Variants in TECPR2 observed in about 807,000 individuals in gnomAD.
TECPR2 encodes tectonin beta-propeller repeat-containing protein 2.
A neutral mutation model predicts 138.1 loss-of-function variants in TECPR2; 65 were observed. The observed-to-expected ratio is 0.47, with a 90% CI of 0.39 to 0.58. TECPR2 has a LOEUF of 0.58. Ranked by LOEUF, TECPR2 falls within the 20% of genes least tolerant of loss-of-function variation. The pLI, the probability that TECPR2 is intolerant of heterozygous loss-of-function variation, is 0.00. For missense variants in TECPR2, 1,553 were observed against 1,824.5 expected, an observed-to-expected ratio of 0.85 and a Z score of 2.71; for synonymous variants, 746 against 749.8, an observed-to-expected ratio of 0.99 and a Z score of 0.08.
Position 102,419,413 on chromosome 14 carries a change from T to C in TECPR2, c.638+4620T>C, listed in dbSNP as rs1889117582. ...CCCAGGGGGGAACCATGTGGCCTGGTGGGAGTTTTGGGAGAGGGGCCGTGT... is the reference window on the plus strand; with the variant it reads ...CCCAGGGGGGAACCATGTGGCCTGGCGGGAGTTTTGGGAGAGGGGCCGTGT... On this transcript the variant is annotated intron_variant, in intron 5 of 19. Coordinates refer to ENST00000359520, the MANE Select transcript of TECPR2 (RefSeq NM_014844.5). The surrounding 1 kb of genome is among the most constrained non-coding windows in gnomAD (Gnocchi z 4.8). 6.6e-6 allele frequency among the ~76,000 whole-genome samples: 1 copy of C among 151,798 alleles called. No individual in the cohort carries two copies. The highest frequency in any genetic ancestry group is 2.4e-5 in the African/African-American group (1 of 41,282).
chr14:102,426,939 T>C (rs1248343084), intron 6 of TECPR2, among the ~76,000 whole-genome samples: 1 of 152,216 alleles, frequency 6.6e-6, no homozygotes, highest in Non-Finnish European at 1.5e-5. Context: ...TGAAGTTTTA[T>C]GAATTATTAT....
chr14:102,408,738 A>G, intron 4 of TECPR2, 119 bp downstream of exon 4: 2 of 1,112,634 alleles, frequency 1.8e-6, no homozygotes, highest in Non-Finnish European at 2.5e-6. Flanking sequence ...TATAATCTCA[A>G]TTGTTATTTG....
intron 2 of TECPR2, among the ~76,000 whole-genome samples, chr14:102,387,103 TA>T (rs1325334710): frequency 2.0e-4 from 31 of 152,132 alleles, no homozygotes; most frequent in Admixed American, 2.0e-3. Context: ...GGAAGATAAA[TA>T]AAAAAGTTTA....
intron 17 of TECPR2, among the ~76,000 whole-genome samples, chr14:102,485,495 C>CT (rs1468315448): frequency 1.3e-5 from 2 of 152,290 alleles, no homozygotes; most frequent in Middle Eastern, 6.8e-3. Flanking sequence ...ATATTGAACT[C>CT]TAAGTCTTTT....
chr14:102,496,059 A>G (rs756785358), intron 17 of TECPR2, among the ~76,000 whole-genome samples: 1 of 152,244 alleles, frequency 6.6e-6, no homozygotes, highest in Non-Finnish European at 1.5e-5. Context: ...CAAAGCAAGG[A>G]GCAGGAGATG....
intron 1 of TECPR2, among the ~76,000 whole-genome samples, chr14:102,369,614 C>CAA (rs1285946113): frequency 6.6e-6 from 1 of 151,904 alleles, no homozygotes; most frequent in African/African-American, 2.4e-5. Flanking sequence ...TTTGTAGAGA[C>CAA]AGAGTTTTGT....
At chr14:102,422,203 C>T (rs999376000) in intron 5 of TECPR2, among the ~76,000 whole-genome samples, 1 of 152,136 alleles carries the variant, frequency 6.6e-6, no homozygotes, top group African/African-American at 2.4e-5. Context: ...AGCACAATTG[C>T]TCAAAATAGC....
At chr14:102,450,300 G>C (rs945521962) in intron 14 of TECPR2, among the ~76,000 whole-genome samples, 2 of 152,254 alleles carry the variant, frequency 1.3e-5, no homozygotes, top group East Asian at 3.9e-4. Context: ...GTTTGTTTCT[G>C]TGAGTGAACC....
chr14:102,447,090 T>C (rs1890002539), intron 13 of TECPR2, among the ~76,000 whole-genome samples: 1 of 152,244 alleles, frequency 6.6e-6, no homozygotes. Flanking sequence ...GATGAGGGTA[T>C]AATCAAGCTC....
chr14:102,363,055 GAGTCCATCCCGC>G lies in TECPR2; in HGVS notation c.-133_-122del. ...GGCTCCCGGCAGCCCCCGCGGCCCG[GAGTCCATCCCGC>G]CTCCTCCGGCCCGGCGGGGCCGACG... On this transcript the variant is annotated 5_prime_UTR_variant, in exon 1 of 20. Coordinates refer to ENST00000359520, the MANE Select transcript of TECPR2 (RefSeq NM_014844.5). The G allele has an allele frequency of 1.7e-6, 1 of 588,584 alleles. No individual in the cohort carries two copies. The allele number at this position is 588,584 out of a possible 1,614,324, so 36.5% of individuals were successfully genotyped here.
In TECPR2 at chr14:102,408,548, C is replaced by T; in HGVS notation, c.409C>T (p.Pro137Ser). 3 of 1,613,396 alleles carry T rather than the reference C, an allele frequency of 1.9e-6. No individual in the cohort carries two copies. The highest frequency in any genetic ancestry group is 2.5e-6 in the Non-Finnish European group (3 of 1,179,776). ...TAGCATTACAGCTCTGGCTTGGAGCCCCAATGGAATGAAATTGTTCTCTGG... is the reference window on the plus strand; with the variant it reads ...TAGCATTACAGCTCTGGCTTGGAGCTCCAATGGAATGAAATTGTTCTCTGG... Reference protein sequence around the residue: ...KNSITALAWSPNGMKLFSGDD... With the variant: ...KNSITALAWSSNGMKLFSGDD... The change falls in exon 4 of 20, where the codon CCC becomes TCC. Residue 137 changes from proline (P) to serine (S), a missense_variant. Coordinates refer to ENST00000359520, the MANE Select transcript of TECPR2 (RefSeq NM_014844.5).
chr14:102,471,215 G>A (rs1368914491), intron 17 of TECPR2, among the ~76,000 whole-genome samples: 2 of 152,022 alleles, frequency 1.3e-5, no homozygotes, highest in African/African-American at 4.8e-5. Flanking sequence ...GCCTCCCAAA[G>A]TGCTGGGATT....
intron 2 of TECPR2, among the ~76,000 whole-genome samples, chr14:102,393,705 C>T (rs761857727): frequency 1.3e-5 from 2 of 152,080 alleles, no homozygotes; most frequent in African/African-American, 2.4e-5. Flanking sequence ...ATTACAGGTG[C>T]GCACCACTAC....
intron 2 of TECPR2, among the ~76,000 whole-genome samples, chr14:102,401,797 TC>T (rs1888491374): frequency 1.2e-5 from 1 of 85,470 alleles, no homozygotes; most frequent in African/African-American, 5.2e-5. Context: ...AGAGCGAGAC[TC>T]CGTCTCAAAA....
rs564976840 is a variant in TECPR2 at position 102,488,715 on chromosome 14, A to G, written c.3790-8264A>G. 3.1e-3 allele frequency among the ~76,000 whole-genome samples: 477 copies of G among 152,048 alleles called. 3 individuals are homozygous for G. The highest frequency in any genetic ancestry group is 4.3e-3 in the Non-Finnish European group (295 of 67,994). ...AAGAAATCCTGAGTACCCTTTACCCAGTTCACAGCAATGGTAACTGCAAAA... is the reference window on the plus strand; with the variant it reads ...AAGAAATCCTGAGTACCCTTTACCCGGTTCACAGCAATGGTAACTGCAAAA... On this transcript the variant is annotated intron_variant, in intron 17 of 19. Transcript: ENST00000359520.
At chr14:102,406,256 T>G (rs77401878) in intron 2 of TECPR2, among the ~76,000 whole-genome samples, 6 of 152,112 alleles carry the variant, frequency 3.9e-5, no homozygotes, top group Non-Finnish European at 7.3e-5. Flanking sequence ...ATTAAAAAAT[T>G]GGGGGATGAG....
intron 16 of TECPR2, among the ~76,000 whole-genome samples, chr14:102,461,387 T>G (rs1432925844): frequency 6.6e-6 from 1 of 152,250 alleles, no homozygotes; most frequent in African/African-American, 2.4e-5. Context: ...CGCAGTAATT[T>G]ATACAGAAAA....
chr14:102,449,542 A>G (rs1483946569), intron 13 of TECPR2, 87 bp from the exon 14 acceptor site: 1 of 1,565,394 alleles, frequency 6.4e-7, no homozygotes, highest in Non-Finnish European at 8.7e-7. Flanking sequence ...AGAGGTGTGG[A>G]CCTGAGCTAG....
At chr14:102,448,632 T>C (rs1890052422) in intron 13 of TECPR2, among the ~76,000 whole-genome samples, 1 of 150,966 alleles carries the variant, frequency 6.6e-6, no homozygotes, top group African/African-American at 2.4e-5. Flanking sequence ...TTGGGAGGCC[T>C]GGGCGGGCGG....
Sources: allele counts gnomAD v4.1 joint callset (sites outside exome capture counted in the v4.1 genomes callset), GRCh38; gene constraint gnomAD v4.1.1; non-coding constraint Gnocchi (gnomAD v3.1); transcripts MANE v1.5; gene names NCBI Gene and HGNC (gene_info 2026-07-23, HGNC 2026-07-21).